The following ANKRD11 variants were observed in gnomAD, a reference collection of about 807,000 sequenced individuals.
ANKRD11 encodes ankyrin repeat domain-containing protein 11.
A neutral mutation model predicts 195.7 loss-of-function variants in ANKRD11; 17 were observed. The observed-to-expected ratio is 0.09, with a 90% CI of 0.06 to 0.13. The LOEUF is 0.13. Ranked by LOEUF, ANKRD11 falls within the 10% of genes least tolerant of loss-of-function variation. The pLI is 1.00. For missense variants in ANKRD11, 3,735 were observed against 3,566.1 expected, an observed-to-expected ratio of 1.05 and a Z score of -1.21; for synonymous variants, 1,953 against 1,528.1, an observed-to-expected ratio of 1.28 and a Z score of -6.49.
Position 89,415,427 on chromosome 16 carries a change from G to C in ANKRD11, c.-60+2857C>G, listed in dbSNP as rs928190804. On this transcript the variant is annotated intron_variant, in intron 2 of 12. Transcript: ENST00000301030. ...CTACAGGCGCCTGCCACCATGCCCG[G>C]CTAATTTTTTGTATTTTTAGTAGAG... 1.6e-4 allele frequency among the ~76,000 whole-genome samples: 24 copies of C among 150,726 alleles called. 1 individual carries two copies. Among genetic ancestry groups the C allele is most frequent in the African/African-American group, 5.9e-4 (24 of 40,622 alleles).
At chr16:89,381,637 C>T (rs889571) in intron 2 of ANKRD11, among the ~76,000 whole-genome samples, 9,680 of 152,278 alleles carry the variant, frequency 0.064, 647 homozygotes, top group East Asian at 0.36. Context: ...CATCCCCCAA[C>T]ATGCCTGTCA....
At chr16:89,355,626 G>T (rs2039436770) in intron 2 of ANKRD11, among the ~76,000 whole-genome samples, 1 of 152,116 alleles carries the variant, frequency 6.6e-6, no homozygotes, top group Non-Finnish European at 1.5e-5. Context: ...AGTATCGCCA[G>T]GATCAAAAGA....
At chr16:89,322,391 C>T (rs1941255272) in intron 2 of ANKRD11, among the ~76,000 whole-genome samples, 2 of 152,150 alleles carry the variant, frequency 1.3e-5, no homozygotes, top group South Asian at 4.1e-4. Flanking sequence ...AAGTTAATAA[C>T]TCCACCAACC....
chr16:89,452,483 G>C (rs548007236), intron 1 of ANKRD11, among the ~76,000 whole-genome samples: 1 of 152,136 alleles, frequency 6.6e-6, no homozygotes, highest in East Asian at 1.9e-4. Context: ...CAGCGGGTGA[G>C]GACACAGCTG....
intron 1 of ANKRD11, among the ~76,000 whole-genome samples, chr16:89,483,055 A>T (rs1312396941): frequency 6.6e-6 from 1 of 152,216 alleles, no homozygotes; most frequent in Admixed American, 6.5e-5. Flanking sequence ...TGGAAAACCA[A>T]CACGGGCAGC....
chr16:89,370,702 C>T (rs190767074), intron 2 of ANKRD11: 2 of 152,514 alleles, frequency 1.3e-5, no homozygotes, highest in Non-Finnish European at 2.9e-5. Context: ...CGGCAGGACC[C>T]GAGAGCAGAA....
At chr16:89,445,371 G>C (rs1298353876) in intron 1 of ANKRD11, among the ~76,000 whole-genome samples, 1 of 152,114 alleles carries the variant, frequency 6.6e-6, no homozygotes, top group Non-Finnish European at 1.5e-5. Flanking sequence ...CTGAGGTTCA[G>C]GTAAACTAAG....
chr16:89,364,439 T>C (rs1321436510), intron 2 of ANKRD11, among the ~76,000 whole-genome samples: 1 of 152,202 alleles, frequency 6.6e-6, no homozygotes, highest in East Asian at 1.9e-4. Context: ...AGCTGAAATA[T>C]GGAAAGTTGT....
chr16:89,372,441 C>T (rs539310076), intron 2 of ANKRD11, among the ~76,000 whole-genome samples: 1 of 152,086 alleles, frequency 6.6e-6, no homozygotes, highest in Non-Finnish European at 1.5e-5. Context: ...GAGTGAGAGG[C>T]GGCTCAGGGC....
intron 2 of ANKRD11, among the ~76,000 whole-genome samples, chr16:89,384,477 G>C (rs1260707647): frequency 1.3e-5 from 2 of 152,028 alleles, no homozygotes; most frequent in African/African-American, 4.8e-5. Context: ...AGGACAAGAT[G>C]GGAATGGGAC....
At chr16:89,354,564 T>G (rs144309667) in intron 2 of ANKRD11, among the ~76,000 whole-genome samples, 12 of 152,268 alleles carry the variant, frequency 7.9e-5, no homozygotes, top group African/African-American at 2.6e-4. Flanking sequence ...GAGATTTGAT[T>G]GTGTGTCATC....
At chr16:89,343,848 G>T (rs1038705556) in intron 2 of ANKRD11, 4 of 152,290 alleles carry the variant, frequency 2.6e-5, no homozygotes, top group Admixed American at 2.6e-4. Flanking sequence ...TTCGCAGGCG[G>T]TAAGGCTCCG....
chr16:89,295,404 C>G (rs574592005), intron 4 of ANKRD11, among the ~76,000 whole-genome samples: 1 of 152,186 alleles, frequency 6.6e-6, no homozygotes, highest in Non-Finnish European at 1.5e-5. Context: ...CCCGTAGGGC[C>G]TTTCTTCAAA....
chr16:89,477,909 G>T (rs913876828), intron 1 of ANKRD11, among the ~76,000 whole-genome samples: 1 of 152,092 alleles, frequency 6.6e-6, no homozygotes, highest in Admixed American at 6.5e-5. Context: ...AGTGAGCCAA[G>T]ATCACGCCAC....
At chr16:89,295,869 GGATGT>G (rs10554589) in intron 4 of ANKRD11, among the ~76,000 whole-genome samples, 77,975 of 94,290 alleles carry the variant, frequency 0.83, 32,352 homozygotes, top group African/African-American at 0.93. Context: ...TGTGCAGGTG[GGATGT>G]GATGTGGGGG....
rs141387318 is a variant in ANKRD11, at chr16:89,477,405, G to C, written c.-145+12840C>G. On this transcript the variant is annotated intron_variant, in intron 1 of 12. Transcript: ENST00000301030. ...GCGTCTCACTCTGTCACCCAGGCTG[G>C]AGTGCAGTGGTGCGATTCTGGCTCA... Among the ~76,000 whole-genome samples, 567 of 152,078 alleles carry C rather than the reference G, an allele frequency of 3.7e-3. 2 individuals are homozygous for C. Among genetic ancestry groups the C allele is most frequent in the African/African-American group, 0.013 (537 of 41,526 alleles).
chr16:89,366,288 A>G (rs2039947789), intron 2 of ANKRD11, among the ~76,000 whole-genome samples: 1 of 152,160 alleles, frequency 6.6e-6, no homozygotes, highest in African/African-American at 2.4e-5. Context: ...TGCAATGGAC[A>G]TTCGCCCGCA....
chr16:89,305,529 G>T (rs900523266), intron 3 of ANKRD11, among the ~76,000 whole-genome samples, 185 bp from the exon 4 acceptor site: 1 of 152,078 alleles, frequency 6.6e-6, no homozygotes, highest in Non-Finnish European at 1.5e-5. Context: ...GAAGCCCGGG[G>T]TCGGGCTGTG....
At chr16:89,441,125 A>G (rs1473353540) in intron 1 of ANKRD11, among the ~76,000 whole-genome samples, 1 of 151,446 alleles carries the variant, frequency 6.6e-6, no homozygotes, top group East Asian at 1.9e-4. Context: ...AGTCCCAGCT[A>G]CTCGGGAGGC....
Sources: gnomAD v4.1 joint callset for allele counts (sites outside exome capture counted in the v4.1 genomes callset) on GRCh38, gnomAD v4.1.1 for gene constraint, MANE v1.5 for transcripts, NCBI Gene and HGNC (gene_info 2026-07-23, HGNC 2026-07-21) for gene names.